The following SYTL2 variants were observed in gnomAD, a reference collection of about 807,000 sequenced individuals.
SYTL2 encodes the protein synaptotagmin-like protein 2.
SYTL2 carries 165 observed loss-of-function variants against 198.7 expected under a neutral mutation model. The observed-to-expected ratio is 0.83, with a 90% CI of 0.73 to 0.94. The LOEUF (loss-of-function observed/expected upper bound fraction) is 0.94, where lower values mean the gene tolerates loss of function less well. Among genes scored for constraint, SYTL2 ranks in the 40% least tolerant of loss-of-function variants. The pLI, the probability that SYTL2 is intolerant of heterozygous loss-of-function variation, is 0.00. For synonymous variants in SYTL2, 966 were observed against 917.7 expected (o/e 1.05, Z -0.95); for missense variants, 2,835 against 2,582.8 (o/e 1.10, Z -2.12).
At chr11:85,774,940 C>A (rs949538509) in intron 1 of SYTL2, among the ~76,000 whole-genome samples, 6 of 151,982 alleles carry the variant, frequency 3.9e-5, no homozygotes, top group African/African-American at 1.4e-4. Context: ...CTCTGGGTGA[C>A]TTCACCTGTA....
intron 3 of SYTL2, among the ~76,000 whole-genome samples, chr11:85,747,493 C>A (rs532958194): frequency 6.6e-6 from 1 of 152,202 alleles, no homozygotes; most frequent in Admixed American, 6.5e-5. Context: ...GATTTCCCCC[C>A]AAACCTTTAG....
At chr11:85,843,194 T>C in the SYTL2 span, among the ~76,000 whole-genome samples, 25 of 152,020 alleles carry the variant, frequency 1.6e-4, no homozygotes, top group Non-Finnish European at 3.2e-4. Flanking sequence ...GCCAACATGG[T>C]GAAACCCTGT....
chr11:85,736,190 A>C (rs1245127675), intron 6 of SYTL2, among the ~76,000 whole-genome samples: 1 of 152,212 alleles, frequency 6.6e-6, no homozygotes, highest in Non-Finnish European at 1.5e-5. Context: ...GCATCTAATA[A>C]ATACTGTTAA....
chr11:85,770,812 G>A lies in SYTL2; in HGVS notation c.-389-12698C>T, dbSNP rs556793704. Among the ~76,000 whole-genome samples, 18 of 152,236 alleles carry A rather than the reference G, an allele frequency of 1.2e-4. 1 individual carries two copies. The South Asian group carries it at 2.1e-3, about 18-fold the overall frequency. ...CTCACAAATACCCCTACCACAAGCA[G>A]GCAACATTTTCTCTTTCACTGAGCC... On this transcript the variant is annotated intron_variant, in intron 1 of 19. Transcript: ENST00000359152.
At chr11:85,702,662 C>T (rs991417237) in intron 16 of SYTL2, among the ~76,000 whole-genome samples, 8 of 152,092 alleles carry the variant, frequency 5.3e-5, no homozygotes, top group Admixed American at 2.0e-4. Flanking sequence ...CAGTTTATTC[C>T]CAGATTAAAT....
intron 16 of SYTL2, 90 bp from the exon 17 acceptor site, chr11:85,700,683 ATTTC>A: frequency 2.1e-6 from 2 of 954,378 alleles, no homozygotes; most frequent in Non-Finnish European, 1.7e-6. Flanking sequence ...TATCTGTCCC[ATTTC>A]TGGGACCATG....
intron 1 of SYTL2, among the ~76,000 whole-genome samples, chr11:85,775,999 G>A (rs921570447): frequency 1.3e-5 from 2 of 152,288 alleles, no homozygotes; most frequent in African/African-American, 4.8e-5. Context: ...TTTTGGTGAT[G>A]GGGGTAGATC....
the SYTL2 span, chr11:85,854,169 A>C: frequency 6.6e-6 from 1 of 152,194 alleles, no homozygotes; most frequent in Non-Finnish European, 1.5e-5. Context: ...GCGCCCTGCT[A>C]TATTACTTAT....
At chr11:85,843,660 A>T in the SYTL2 span, among the ~76,000 whole-genome samples, 1 of 152,192 alleles carries the variant, frequency 6.6e-6, no homozygotes, top group Admixed American at 6.5e-5. Flanking sequence ...TTACATGGGA[A>T]ATGTGACACA....
intron 14 of SYTL2, chr11:85,708,223 G>T: frequency 2.7e-6 from 1 of 365,100 alleles, no homozygotes; most frequent in South Asian, 2.0e-5. Context: ...CCCCTAGTTT[G>T]TTCCCCTCTG....
At chr11:85,816,133 C>G (rs187756401), upstream of SYTL2, among the ~76,000 whole-genome samples, 142 of 152,116 alleles carry the variant, frequency 9.3e-4, 1 homozygote, top group Non-Finnish European at 1.6e-3. Context: ...CCACTGCATT[C>G]CAGCCTGGGT....
chr11:85,699,988 A>AT (rs1460250569), intron 17 of SYTL2, among the ~76,000 whole-genome samples: 1 of 152,244 alleles, frequency 6.6e-6, no homozygotes, highest in African/African-American at 2.4e-5. Flanking sequence ...TAGCACTATC[A>AT]ATAAGTCCAA....
At chr11:85,799,036 AT>A (rs1316552886) in intron 1 of SYTL2, among the ~76,000 whole-genome samples, 1 of 152,222 alleles carries the variant, frequency 6.6e-6, no homozygotes, top group Non-Finnish European at 1.5e-5. Context: ...CACTATGTTA[AT>A]TCTTTTCTGC....
the SYTL2 span, among the ~76,000 whole-genome samples, chr11:85,816,809 G>A: frequency 6.6e-6 from 1 of 151,394 alleles, no homozygotes; most frequent in South Asian, 2.1e-4. Flanking sequence ...AGCTACTCAG[G>A]AGACTGAGGT....
At chr11:85,799,628 C>T (rs1272479223) in intron 1 of SYTL2, among the ~76,000 whole-genome samples, 1 of 152,188 alleles carries the variant, frequency 6.6e-6, no homozygotes. Flanking sequence ...TGAAACCATG[C>T]TTGCCATGCT....
chr11:85,842,971 G>A, the SYTL2 span, among the ~76,000 whole-genome samples: 4 of 152,118 alleles, frequency 2.6e-5, no homozygotes, highest in Admixed American at 6.5e-5. Flanking sequence ...TTAATGACTC[G>A]GTTAAATCTA....
At position 85,718,831 on chromosome 11, in the gene SYTL2, A is replaced by C; in HGVS notation, c.5441T>G (p.Val1814Gly). 3 of 1,613,712 alleles carry C rather than the reference A, an allele frequency of 1.9e-6. No individual in the cohort carries two copies. Among genetic ancestry groups the C allele is most frequent in the Non-Finnish European group, 2.5e-6 (3 of 1,179,754 alleles). The change falls in exon 10 of 20, where the codon GTA (valine) becomes GGA (glycine). Residue 1814 changes from valine (V) to glycine (G), a missense_variant. Val to Gly is a moderately radical substitution (Grantham distance 109). This residue lies in a region of SYTL2 where 2,645 missense variants were observed against 2,381.7 expected (regional missense o/e 1.11). Coordinates refer to ENST00000359152, the MANE Select transcript of SYTL2 (RefSeq NM_206927.4). ...ISSDSSNQAK[V>G]DNQPEELVRS... ...CACTAATTCTTCTGGCTGATTATCTACTTTTGCTTGATCTGTTCAGAAGAA... is the reference window on the plus strand; with the variant it reads ...CACTAATTCTTCTGGCTGATTATCTCCTTTTGCTTGATCTGTTCAGAAGAA...
chr11:85,701,310 C>G (rs1260996296), intron 16 of SYTL2, among the ~76,000 whole-genome samples: 1 of 152,144 alleles, frequency 6.6e-6, no homozygotes, highest in African/African-American at 2.4e-5. Flanking sequence ...TACACATAGC[C>G]TGAAGGTAAT....
chr11:85,853,657 T>TA, the SYTL2 span: 16,848 of 82,718 alleles, frequency 0.2, 1,204 homozygotes, highest in Middle Eastern at 0.32. Context: ...GAATGATCAA[T>TA]AAAAAAAAAA....
Sources: allele counts gnomAD v4.1 joint callset (sites outside exome capture counted in the v4.1 genomes callset), GRCh38; gene constraint gnomAD v4.1.1; regional missense constraint gnomAD v4.1.1; transcripts MANE v1.5; gene names NCBI Gene and HGNC (gene_info 2026-07-23, HGNC 2026-07-21).